DNAH14: variants seen among roughly 807,000 people sequenced by gnomAD.
DNAH14 encodes the protein dynein axonemal heavy chain 14, also known as axonemal beta dynein heavy chain 14.
Under a neutral mutation model 520.9 loss-of-function variants are expected in DNAH14, and 478 were observed. That is an observed-to-expected ratio of 0.92 (90% confidence interval 0.85 to 0.99). The LOEUF (loss-of-function observed/expected upper bound fraction) is 0.99. Ranked by LOEUF, DNAH14 falls within the 50% of genes least tolerant of loss-of-function variation. The pLI is 0.00. For synonymous variants in DNAH14, 1,581 were observed against 1,757.2 expected (o/e 0.90, Z 2.51); for missense variants, 4,831 against 5,234.5 (o/e 0.92, Z 2.38).
chr1:225,276,999 A>AAGGGAGGGAGGGAGGG (rs1230311457), intron 53 of DNAH14, among the ~76,000 whole-genome samples: 1 of 41,700 alleles, frequency 2.4e-5, no homozygotes, highest in African/African-American at 1.1e-4. Context: ...GGGAGGAAGG[A>AAGGGAGGGAGGGAGGG]AGGGAGGGAG....
chr1:225,036,863 C>G (rs796599414), intron 11 of DNAH14, among the ~76,000 whole-genome samples: 1 of 151,886 alleles, frequency 6.6e-6, no homozygotes, highest in Admixed American at 6.6e-5. Flanking sequence ...GACAGTGCTC[C>G]TGCTCTGTCA....
At position 225,047,266 on chromosome 1, in the gene DNAH14, A is replaced by G. The variant is rs373152557; in HGVS notation, c.1913-2944A>G. Among the ~76,000 whole-genome samples the G allele has an allele frequency of 2.2e-4, 33 of 152,170 alleles. No individual in the cohort carries two copies. The East Asian group carries it at 2.5e-3, about 12-fold the overall frequency. On this transcript the variant is annotated intron_variant, in intron 15 of 85. Transcript: ENST00000682510. ...TTCATTCTAGCCTTTTCTTTTCCTT[A>G]TATCTAACTTTTTTCTCTGGCTATG...
chr1:225,027,625 G>T (rs905519166), intron 11 of DNAH14, among the ~76,000 whole-genome samples: 6 of 152,074 alleles, frequency 3.9e-5, no homozygotes, highest in Non-Finnish European at 8.8e-5. Flanking sequence ...AGGAGGAAGA[G>T]ATGTAGGGGG....
intron 17 of DNAH14, among the ~76,000 whole-genome samples, chr1:225,052,727 G>A (rs746138104): frequency 6.6e-6 from 1 of 152,140 alleles, no homozygotes; most frequent in Non-Finnish European, 1.5e-5. Context: ...GGGATGGCGT[G>A]GAAACACTGG....
chr1:225,374,264 ATATATATT>A (rs1435601482), intron 77 of DNAH14, among the ~76,000 whole-genome samples: 1 of 66,412 alleles, frequency 1.5e-5, no homozygotes, highest in Non-Finnish European at 3.1e-5. Flanking sequence ...ATATATATAT[ATATATATT>A]TTTTTTTGAG....
intron 42 of DNAH14, among the ~76,000 whole-genome samples, chr1:225,231,986 TTA>T (rs2091171932): frequency 6.6e-6 from 1 of 152,144 alleles, no homozygotes; most frequent in South Asian, 2.1e-4. Context: ...AAAAAGCATA[TTA>T]TTTTATTTTT....
rs1185494051 is a variant in DNAH14 at position 225,042,825 on chromosome 1, G to A, written c.1489-10G>A. ...TGTCACTGGCACCCTCACATTATCC[G>A]TTAAATTAGATTTTGAATAGTGTTG... is the stretch of plus-strand genomic sequence containing the variant. On this transcript the variant is annotated splice_polypyrimidine_tract_variant and intron_variant, in intron 12 of 85. Coordinates refer to ENST00000682510, the MANE Select transcript of DNAH14 (RefSeq NM_001367479.1). 19 of 1,543,776 alleles carry A rather than the reference G, an allele frequency of 1.2e-5. No homozygotes were observed. The highest frequency in any genetic ancestry group is 6.1e-5 in the South Asian group (5 of 82,464).
At chr1:225,283,840 G>T (rs1325322440) in intron 54 of DNAH14, among the ~76,000 whole-genome samples, 1 of 152,122 alleles carries the variant, frequency 6.6e-6, no homozygotes, top group Non-Finnish European at 1.5e-5. Flanking sequence ...TATGTTCTTT[G>T]ACCACAGTAG....
At chr1:225,356,105 A>T (rs1259833854) in intron 73 of DNAH14, among the ~76,000 whole-genome samples, 1 of 152,198 alleles carries the variant, frequency 6.6e-6, no homozygotes, top group Non-Finnish European at 1.5e-5. Flanking sequence ...ATCCATTGAG[A>T]GACAACAAAG....
At chr1:225,261,413 C>T (rs1464165685) in intron 46 of DNAH14, among the ~76,000 whole-genome samples, 1 of 152,108 alleles carries the variant, frequency 6.6e-6, no homozygotes, top group Non-Finnish European at 1.5e-5. Context: ...TTTTGTCTTT[C>T]ATTCTGTTAA....
intron 55 of DNAH14, among the ~76,000 whole-genome samples, chr1:225,293,830 T>A (rs10915809): frequency 0.31 from 46,777 of 151,238 alleles, 7,986 homozygotes; most frequent in East Asian, 0.44. Context: ...GTTTTTTTTT[T>A]AAAAAAAGAG....
At chr1:225,352,205 T>C (rs1214197017) in intron 72 of DNAH14, among the ~76,000 whole-genome samples, 1 of 152,190 alleles carries the variant, frequency 6.6e-6, no homozygotes, top group Non-Finnish European at 1.5e-5. Flanking sequence ...AACAAATGTG[T>C]GTTTTTAAAA....
chr1:224,997,059 T>A (rs2063440961), intron 8 of DNAH14, among the ~76,000 whole-genome samples: 1 of 151,932 alleles, frequency 6.6e-6, no homozygotes, highest in African/African-American at 2.4e-5. Flanking sequence ...CCAGCTAGGA[T>A]TTGTGAGGGA....
intron 46 of DNAH14, 126 bp from the exon 47 acceptor site, chr1:225,264,070 GA>G (rs979204686): frequency 2.8e-5 from 21 of 741,304 alleles, no homozygotes; most frequent in Admixed American, 1.5e-4. Context: ...GGTGGAAACA[GA>G]AAAAAAATTT....
At position 225,389,160 on chromosome 1, in the gene DNAH14, C is replaced by A. The variant is rs2095874845; in HGVS notation, c.13191-574C>A. Among the ~76,000 whole-genome samples, 4 of 152,148 alleles carry A rather than the reference C, an allele frequency of 2.6e-5. 1 individual carries two copies. Among genetic ancestry groups the A allele is most frequent in the Admixed American group, 6.5e-5 (1 of 15,274 alleles). ...GCCTCACAGGATGTGGAGCATTTCT[C>A]TAGGAGCTTTACTCACAGAAGCCCA... On this transcript the variant is annotated intron_variant, in intron 82 of 85. Coordinates refer to ENST00000682510, the MANE Select transcript of DNAH14 (RefSeq NM_001367479.1).
At chr1:225,007,947 T>G (rs2064320668) in intron 10 of DNAH14, among the ~76,000 whole-genome samples, 1 of 151,768 alleles carries the variant, frequency 6.6e-6, no homozygotes, top group African/African-American at 2.4e-5. Flanking sequence ...TTTTATACTT[T>G]AAGTTCTGGG....
At chr1:225,299,068 T>A (rs890369127) in intron 55 of DNAH14, among the ~76,000 whole-genome samples, 18 of 152,344 alleles carry the variant, frequency 1.2e-4, no homozygotes, top group African/African-American at 4.1e-4. Context: ...TCTTAGCTGT[T>A]TGTTACATTG....
At chr1:225,247,425 T>C (rs868561130) in intron 43 of DNAH14, among the ~76,000 whole-genome samples, 1 of 151,928 alleles carries the variant, frequency 6.6e-6, no homozygotes, top group Non-Finnish European at 1.5e-5. Context: ...AGAAATTCAA[T>C]AGGATAAACT....
chr1:225,300,223 G>A (rs1392676449), intron 55 of DNAH14, among the ~76,000 whole-genome samples: 1 of 152,044 alleles, frequency 6.6e-6, no homozygotes, highest in African/African-American at 2.4e-5. Context: ...TGTATTGAGG[G>A]CTTCTGTGAA....
Sources: allele counts gnomAD v4.1 joint callset (sites outside exome capture counted in the v4.1 genomes callset), GRCh38; gene constraint gnomAD v4.1.1; transcripts MANE v1.5; gene names NCBI Gene and HGNC (gene_info 2026-07-23, HGNC 2026-07-21).